The following MGAT4C variants were observed in gnomAD, a reference collection of about 807,000 sequenced individuals.
The protein encoded by MGAT4C is alpha-1,3-mannosyl-glycoprotein 4-beta-N-acetylglucosaminyltransferase C.
MGAT4C carries 19 observed loss-of-function variants against 40.1 expected under a neutral mutation model. That is an observed-to-expected ratio of 0.47 (90% CI 0.33 to 0.70). MGAT4C has a LOEUF of 0.70. MGAT4C is among the 30% of genes least tolerant of loss of function. The pLI is 0.02. For synonymous variants in MGAT4C, 181 were observed against 187.1 expected, an observed-to-expected ratio of 0.97 and a Z score of 0.27; for missense variants, 491 against 563.2, an observed-to-expected ratio of 0.87 and a Z score of 1.30.
At chr12:86,042,601 GA>G (rs1350563203) in intron 2 of MGAT4C, among the ~76,000 whole-genome samples, 3 of 152,060 alleles carry the variant, frequency 2.0e-5, no homozygotes, top group Non-Finnish European at 2.9e-5. Flanking sequence ...TTCTCTGTTG[GA>G]ATTTCATTAA....
At chr12:86,495,752 T>C (rs955384004) in intron 2 of MGAT4C, among the ~76,000 whole-genome samples, 19 of 152,046 alleles carry the variant, frequency 1.2e-4, no homozygotes, top group Admixed American at 1.2e-3. Context: ...GTCTTAAAAC[T>C]TGAAACTTAC....
At chr12:86,701,625 C>G (rs570039513) in intron 2 of MGAT4C, among the ~76,000 whole-genome samples, 1 of 152,096 alleles carries the variant, frequency 6.6e-6, no homozygotes, top group Non-Finnish European at 1.5e-5. Context: ...CTATAATGAT[C>G]TCTAAGGGTT....
At chr12:86,152,922 C>T (rs1370220823) in intron 1 of MGAT4C, among the ~76,000 whole-genome samples, 1 of 152,020 alleles carries the variant, frequency 6.6e-6, no homozygotes, top group Non-Finnish European at 1.5e-5. Flanking sequence ...TTCAGTCATC[C>T]GTGGGTCTAT....
chr12:86,654,719 ACCT>A (rs1963794837), intron 2 of MGAT4C, among the ~76,000 whole-genome samples: 1 of 140,860 alleles, frequency 7.1e-6, no homozygotes, highest in African/African-American at 2.8e-5. Flanking sequence ...TTTTCCCTGT[ACCT>A]TTTTTTTTTT....
chr12:86,443,974 C>T (rs768399232), intron 2 of MGAT4C, among the ~76,000 whole-genome samples: 1 of 152,094 alleles, frequency 6.6e-6, no homozygotes, highest in African/African-American at 2.4e-5. Context: ...ACTCCCTCTG[C>T]GTTAATTCAT....
chr12:86,134,054 A>G (rs1241002725), intron 1 of MGAT4C, among the ~76,000 whole-genome samples: 1 of 152,128 alleles, frequency 6.6e-6, no homozygotes, highest in Non-Finnish European at 1.5e-5. Context: ...AGAAGAAAAA[A>G]CAGCATATAA....
chr12:86,053,627 T>C (rs1345872349), intron 1 of MGAT4C, among the ~76,000 whole-genome samples: 2 of 151,666 alleles, frequency 1.3e-5, no homozygotes, highest in African/African-American at 4.8e-5. Flanking sequence ...AGAGAAACAA[T>C]GGATAAAACA....
chr12:86,410,961 G>A (rs1465369472), intron 3 of MGAT4C, among the ~76,000 whole-genome samples: 1 of 152,090 alleles, frequency 6.6e-6, no homozygotes, highest in African/African-American at 2.4e-5. Context: ...CTCTGCTCTG[G>A]CCATGTAAGA....
Position 86,763,263 on chromosome 12 carries a change from C to T in MGAT4C, c.-261-36022G>A, listed in dbSNP as rs147682559. 2.5e-4 allele frequency among the ~76,000 whole-genome samples: 38 copies of T among 152,264 alleles called. No individual in the cohort carries two copies. In the East Asian group the frequency reaches 7.2e-3, roughly 29 times the overall value. On this transcript the variant is annotated intron_variant, in intron 1 of 7. Transcript: ENST00000548651. ...TTATAAACAAAATTATGAATCTATTCTGCTATTCCTAATTCATTTTGCCTT... is the reference window on the plus strand; with the variant it reads ...TTATAAACAAAATTATGAATCTATTTTGCTATTCCTAATTCATTTTGCCTT...
intron 1 of MGAT4C, among the ~76,000 whole-genome samples, chr12:86,774,352 TCCC>T (rs1565981767): frequency 1.3e-3 from 73 of 55,496 alleles, no homozygotes; most frequent in Admixed American, 1.7e-3. Flanking sequence ...TCTCTCTCTC[TCCC>T]CTCTCTCTCT....
intron 1 of MGAT4C, among the ~76,000 whole-genome samples, chr12:86,732,412 A>C (rs546395845): frequency 6.6e-6 from 1 of 152,306 alleles, no homozygotes; most frequent in South Asian, 2.1e-4. Context: ...TGTAATACAT[A>C]ATGAAATAAT....
At chr12:86,307,149 G>A (rs1488618881) in intron 4 of MGAT4C, among the ~76,000 whole-genome samples, 1 of 150,206 alleles carries the variant, frequency 6.7e-6, no homozygotes, top group Non-Finnish European at 1.5e-5. Flanking sequence ...TTCAAAACAG[G>A]TAACTGTCAG....
intron 1 of MGAT4C, among the ~76,000 whole-genome samples, chr12:86,801,543 A>G (rs544026194): frequency 1.3e-5 from 2 of 151,882 alleles, no homozygotes; most frequent in East Asian, 3.9e-4. Flanking sequence ...TCTGTTGGTT[A>G]CAAGGCAGAT....
At position 86,596,076 on chromosome 12, in the gene MGAT4C, C is replaced by A. The variant is rs1961525746; in HGVS notation, c.-229+131133G>T. The stretch of plus-strand genomic sequence containing the variant: ...ACATATATCTCATCTAAAACAAGTA[C>A]CAACTCTTTTTTTTTTAATTATTAT... On this transcript the variant is annotated intron_variant, in intron 2 of 7. Coordinates refer to the MGAT4C transcript ENST00000548651. Among the ~76,000 whole-genome samples the A allele has an allele frequency of 3.3e-5, 5 of 152,012 alleles. No homozygotes were observed. The South Asian group carries it at 1.0e-3, about 31-fold the overall frequency.
intron 2 of MGAT4C, among the ~76,000 whole-genome samples, chr12:86,614,370 CTG>C (rs1339850335): frequency 6.6e-6 from 1 of 152,130 alleles, no homozygotes; most frequent in Admixed American, 6.6e-5. Context: ...CATTTTCAAA[CTG>C]TGTCCTCTGA....
intron 2 of MGAT4C, among the ~76,000 whole-genome samples, chr12:86,018,779 A>G (rs1338685822): frequency 1.3e-5 from 2 of 152,098 alleles, no homozygotes; most frequent in Non-Finnish European, 2.9e-5. Context: ...AGAGAGACTA[A>G]GTATCCTACA....
intron 3 of MGAT4C, among the ~76,000 whole-genome samples, chr12:86,429,142 G>T (rs1044914420): frequency 6.6e-6 from 1 of 151,972 alleles, no homozygotes; most frequent in African/African-American, 2.4e-5. Context: ...GTATCACCTA[G>T]ATTTGATGTG....
Position 85,978,418 on chromosome 12 carries a change from T to C in MGAT4C, c.*871A>G, listed in dbSNP as rs747428458. On this transcript the variant is annotated 3_prime_UTR_variant, in exon 5 of 5. Transcript: ENST00000611864. Reference sequence around the variant, plus strand: ...ATATGATAAATCACAATAATTTCAATCACATGGATTTTAATACAAAATGTA... The same window carrying C: ...ATATGATAAATCACAATAATTTCAACCACATGGATTTTAATACAAAATGTA... The C allele has an allele frequency of 5.9e-5, 9 of 151,986 alleles. No homozygotes were observed. The highest frequency in any genetic ancestry group is 1.3e-4 in the Non-Finnish European group (9 of 67,658). 9.4% of individuals were successfully genotyped at this position (151,986 alleles called of 1,614,324 possible).
intron 1 of MGAT4C, among the ~76,000 whole-genome samples, chr12:86,154,546 C>T (rs1046887111): frequency 2.6e-5 from 4 of 152,228 alleles, no homozygotes; most frequent in African/African-American, 9.6e-5. Flanking sequence ...CTTCTTGTAA[C>T]TTCTTTTGTG....
Sources: allele counts gnomAD v4.1 joint callset (sites outside exome capture counted in the v4.1 genomes callset), GRCh38; gene constraint gnomAD v4.1.1; transcripts MANE v1.5; gene names NCBI Gene and HGNC (gene_info 2026-07-23, HGNC 2026-07-21).